Variants in GRIN2C observed in about 807,000 individuals in gnomAD.
GRIN2C encodes glutamate ionotropic receptor NMDA type subunit 2C.
Under a neutral mutation model 77.7 loss-of-function variants are expected in GRIN2C, and 64 were observed. The ratio of observed to expected loss-of-function variants is 0.82; its 90% CI spans 0.67 to 1.01. The LOEUF is 1.01. GRIN2C is among the 50% of genes least tolerant of loss of function. The probability of loss-of-function intolerance (pLI) is 0.00; values close to 1 mark genes in which losing one functional copy is unlikely to be tolerated. For missense variants in GRIN2C, 1,549 were observed against 1,486.0 expected (o/e 1.04, Z -0.70); for synonymous variants, 792 against 643.4 (o/e 1.23, Z -3.49).
In GRIN2C at chr17:74,855,097, A is replaced by G. The variant is rs1206788537; in HGVS notation, c.-5T>C. On this transcript the variant is annotated 5_prime_UTR_variant, in exon 2 of 13. Transcript: ENST00000293190. Reference sequence around the variant, plus strand: ...CGGCCCCAGGGCCCCACCCATGTCCACCGGAGGGTCCTGCGGAGAGACCAG... The same window carrying G: ...CGGCCCCAGGGCCCCACCCATGTCCGCCGGAGGGTCCTGCGGAGAGACCAG... The G allele has an allele frequency of 1.9e-6, 3 of 1,577,612 alleles. No individual in the cohort carries two copies. The highest frequency in any genetic ancestry group is 2.3e-5 in the South Asian group (2 of 88,450).
rs781224859 is a variant in GRIN2C, at chr17:74,842,508, A to G, written c.3629T>C (p.Val1210Ala). The G allele has an allele frequency of 1.3e-6, 1 of 779,012 alleles. No individual in the cohort carries two copies. Among genetic ancestry groups the G allele is most frequent in the African/African-American group, 1.7e-5 (1 of 59,046 alleles). The allele number at this position is 779,012 out of a possible 1,614,324, so 48.3% of individuals were successfully genotyped here. A position where few individuals can be genotyped will look rare whatever the true frequency, so the allele number is the denominator to read the frequency against. Residue 1210 changes from valine to alanine, a missense_variant, in exon 13 of 13, where the codon GTA (valine) becomes GCA (alanine). By Grantham distance (64) the Val-to-Ala change is moderately conservative (BLOSUM62 0). Around this residue, in one of 3 missense-constraint regions of GRIN2C, gnomAD observed 450 missense variants for 267.9 expected, o/e 1.68. Transcript: ENST00000293190. ...CGGGAAGCCTTGCGTCCCACGGGCT[A>G]CCCTGCTGATCTCGTCCAGTCCCCC... is the stretch of plus-strand genomic sequence containing the variant. Reference protein sequence around the residue: ...DSGGLDEISRVARGTQGFPGP... With the variant: ...DSGGLDEISRAARGTQGFPGP...
rs1460754998 is a variant in GRIN2C, at chr17:74,852,101, A to G, written c.910T>C (p.Trp304Arg). 2 of 1,467,006 alleles carry G rather than the reference A, an allele frequency of 1.4e-6. No homozygotes were observed. The highest frequency in any genetic ancestry group is 2.9e-5 in the African/African-American group (2 of 68,892). 90.9% of individuals were successfully genotyped at this position (1,467,006 alleles called of 1,614,324 possible). A position where few individuals can be genotyped will look rare whatever the true frequency, so the allele number is the denominator to read the frequency against. ...GCTGGCAGGGTTCCATGCTGGCGCC[A>G]GTAGCTGTGGGCGCCCAGGGCCAGA... ...AILALGAHSY[W>R]RQHGTLPAPA... Residue 304 changes from tryptophan to arginine, a missense_variant, in exon 3 of 13, where the codon TGG (tryptophan) becomes CGG (arginine). Coordinates refer to ENST00000293190, the MANE Select transcript of GRIN2C (RefSeq NM_000835.6).
chr17:74,845,443 CTTTA>C (rs1311644328), intron 11 of GRIN2C, among the ~76,000 whole-genome samples: 1 of 151,490 alleles, frequency 6.6e-6, no homozygotes, highest in African/African-American at 2.4e-5. Flanking sequence ...TTTTTAAAAA[CTTTA>C]TTTATAGAGA....
chr17:74,857,013 C>T (rs2037838310), intron 1 of GRIN2C, among the ~76,000 whole-genome samples: 1 of 152,174 alleles, frequency 6.6e-6, no homozygotes, highest in Non-Finnish European at 1.5e-5. Flanking sequence ...GAGCCCCTTC[C>T]CTGCAGCAGG....
At position 74,846,030 on chromosome 17, in the gene GRIN2C, G is replaced by A. The variant is rs1423725915; in HGVS notation, c.2350+36C>T. 3 of 1,596,098 alleles carry A rather than the reference G, an allele frequency of 1.9e-6. No individual in the cohort carries two copies. In the South Asian group the frequency reaches 3.3e-5, roughly 18 times the overall value. ...AATGCTGACAACCTTGGGCTCCACAGCCCACCCTGGGCATCCCAGCAATGG... is the reference window on the plus strand; with the variant it reads ...AATGCTGACAACCTTGGGCTCCACAACCCACCCTGGGCATCCCAGCAATGG... On this transcript the variant is annotated intron_variant, in intron 11 of 12. Coordinates refer to ENST00000293190, the MANE Select transcript of GRIN2C (RefSeq NM_000835.6). This position sits in a 1 kb window ranked among gnomAD's most constrained non-coding sequence, Gnocchi z 4.4.
In GRIN2C at chr17:74,846,251, T is replaced by C. The variant is rs762581560; in HGVS notation, c.2165A>G (p.Lys722Arg). ...AGCATCATAGATGAAGGCATCCAGC[T>C]TCCTGGGGACAGGCTGAGCCTCAGA... The part of the protein sequence containing the change: ...EDALTSLKMG[K>R]LDAFIYDAAV... Residue 722 changes from lysine to arginine, a missense_variant and splice_region_variant, in exon 11 of 13, where the codon AAG becomes AGG. Physicochemically the swap from Lys to Arg is conservative, Grantham distance 26 (BLOSUM62 2). Around this residue, in one of 3 missense-constraint regions of GRIN2C, gnomAD observed 717 missense variants for 858.1 expected, o/e 0.84. Coordinates refer to ENST00000293190, the MANE Select transcript of GRIN2C (RefSeq NM_000835.6). This position sits in a 1 kb window ranked among gnomAD's most constrained non-coding sequence, Gnocchi z 4.4. The C allele has an allele frequency of 4.3e-6, 7 of 1,613,926 alleles. No individual in the cohort carries two copies. Among genetic ancestry groups the C allele is most frequent in the Non-Finnish European group, 5.1e-6 (6 of 1,179,838 alleles).
rs1015446866 is a variant in GRIN2C at position 74,842,922 on chromosome 17, G to A, written c.3215C>T (p.Ala1072Val). The change falls in exon 13 of 13, where the codon GCC becomes GTC. Residue 1072 changes from alanine to valine, a missense_variant. Ala to Val is a moderately conservative substitution (Grantham distance 64, BLOSUM62 0). Around this residue, in one of 3 missense-constraint regions of GRIN2C, gnomAD observed 450 missense variants for 267.9 expected, o/e 1.68. Transcript: ENST00000293190. ...RREALLHAAW[A>V]RGSRPRHASL... ...AGCGTGACGCGGGCGCGAGCCCCGG[G>A]CCCAGGCCGCGTGCAGCAGGGCCTC... 15 of 569,078 alleles carry A rather than the reference G, an allele frequency of 2.6e-5. No individual in the cohort carries two copies. The highest frequency in any genetic ancestry group is 4.0e-5 in the Non-Finnish European group (13 of 323,808). The allele number at this position is 569,078 out of a possible 1,614,324, so 35.3% of individuals were successfully genotyped here.
rs746853533 is a variant in GRIN2C at position 74,850,278 on chromosome 17, G to T, written c.1419C>A (p.Tyr473Ter). The T allele has an allele frequency of 6.2e-7, 1 of 1,613,862 alleles. No individual in the cohort carries two copies. The highest frequency in any genetic ancestry group is 1.1e-5 in the South Asian group (1 of 91,074). The change falls in exon 6 of 13, where the codon TAC becomes TAA. Residue 473 changes from tyrosine (Y) to a stop codon, truncating the protein, a stop_gained. Transcript: ENST00000293190. LOFTEE classifies it high-confidence loss of function. The surrounding 1 kb of genome is among the most constrained non-coding windows in gnomAD (Gnocchi z 5.3). Reference protein sequence around the residue: ...KKLARVVKFSYDLYLVTNGKH... With the variant: ...KKLARVVKFS ...TGCCGTTGGTCACCAGGTACAGGTC[G>T]TAGGAGAATTTGACCACTCTGGCCA...
At chr17:74,852,872 T>C in intron 2 of GRIN2C, 3 of 388,686 alleles carry the variant, frequency 7.7e-6, no homozygotes, top group Non-Finnish European at 9.1e-6. Context: ...TTGTCAGAAA[T>C]GCAGATTCTC....
intron 3 of GRIN2C, 116 bp downstream of exon 3, chr17:74,851,897 T>G (rs915311919): frequency 2.0e-5 from 16 of 786,852 alleles, no homozygotes; most frequent in Non-Finnish European, 2.8e-5. Flanking sequence ...TGGGGTAATG[T>G]GGCCCCAGGC....
At position 74,854,963 on chromosome 17, in the gene GRIN2C, C is replaced by G. The variant is rs762932688; in HGVS notation, c.130G>C (p.Ala44Pro). 1.2e-6 allele frequency: 2 copies of G among 1,611,742 alleles called. No homozygotes were observed. The highest frequency in any genetic ancestry group is 1.7e-6 in the Non-Finnish European group (2 of 1,179,964). The change falls in exon 2 of 13, where the codon GCC becomes CCC. Residue 44 changes from alanine to proline, a missense_variant. Transcript: ENST00000293190. ...GGGGTGAGGCGGGCACGGAACTGGGCCTGGGGCGGCCCTGAGCTGCTAAAC... is the reference window on the plus strand; with the variant it reads ...GGGGTGAGGCGGGCACGGAACTGGGGCTGGGGCGGCCCTGAGCTGCTAAAC... ...VVFSSSGPPQ[A>P]QFRARLTPQS...
chr17:74,847,541 G>C lies in GRIN2C; in HGVS notation c.1772-4C>G. On this transcript the variant is annotated splice_region_variant and splice_polypyrimidine_tract_variant and intron_variant, in intron 8 of 12. Coordinates refer to ENST00000293190, the MANE Select transcript of GRIN2C (RefSeq NM_000835.6). The surrounding 1 kb of genome is among the most constrained non-coding windows in gnomAD (Gnocchi z 5.2). ...GTGAAAGCTGGGCCCCCGGACTCTG[G>C]GGGCAAGAGGCGGGGGGATGCTGGA... The C allele has an allele frequency of 6.2e-7, 1 of 1,603,142 alleles. No individual in the cohort carries two copies. The highest frequency in any genetic ancestry group is 1.1e-5 in the South Asian group (1 of 90,826).
At position 74,843,323 on chromosome 17, in the gene GRIN2C, C is replaced by T; in HGVS notation, c.2814G>A (p.Pro938=). ...RAPPPSPCPT[P]RSGPSPCLPT... is the part of the protein sequence containing the mutation. ...GCAGGCATGGGCTGGGGCCAGACCG[C>T]GGGGTCGGGCAGGGGGACGGTGGGG... is the stretch of plus-strand genomic sequence containing the variant. The change falls in exon 13 of 13, where the codon CCG becomes CCA. Residue 938 remains proline, a synonymous_variant. Transcript: ENST00000293190. 1 of 1,461,728 alleles carries T rather than the reference C, an allele frequency of 6.8e-7. No individual in the cohort carries two copies. Among genetic ancestry groups the T allele is most frequent in the Non-Finnish European group, 9.2e-7 (1 of 1,089,872 alleles). 90.5% of individuals were successfully genotyped at this position (1,461,728 alleles called of 1,614,324 possible). A position where few individuals can be genotyped will look rare whatever the true frequency, so the allele number is the denominator to read the frequency against.
At position 74,842,668 on chromosome 17, in the gene GRIN2C, G is replaced by GGTGGGC. The variant is rs780423227; in HGVS notation, c.3463_3468dup (p.Ala1155_His1156dup). On this transcript the variant is annotated inframe_insertion, in exon 13 of 13. Transcript: ENST00000293190. The stretch of plus-strand genomic sequence containing the variant: ...CAGACAGCCCCCCAGCAAAATGGCA[G>GGTGGGC]GTGGGCGTGGGCGTGCAGGCAGACG... 2 of 738,384 alleles carry GGTGGGC rather than the reference G, an allele frequency of 2.7e-6. No homozygotes were observed. Among genetic ancestry groups the GGTGGGC allele is most frequent in the East Asian group, 2.6e-5 (1 of 38,804 alleles). 45.7% of individuals were successfully genotyped at this position (738,384 alleles called of 1,614,324 possible).
chr17:74,842,979 G>T lies in GRIN2C; in HGVS notation c.3158C>A (p.Pro1053Gln). The T allele has an allele frequency of 2.1e-6, 1 of 467,800 alleles. No homozygotes were observed. The highest frequency in any genetic ancestry group is 3.6e-6 in the Non-Finnish European group (1 of 274,852). 29.0% of individuals were successfully genotyped at this position (467,800 alleles called of 1,614,324 possible). A position where few individuals can be genotyped will look rare whatever the true frequency, so the allele number is the denominator to read the frequency against. Residue 1053 changes from proline to glutamine, a missense_variant, in exon 13 of 13, where the codon CCG becomes CAG. Coordinates refer to ENST00000293190, the MANE Select transcript of GRIN2C (RefSeq NM_000835.6). ...LPLFPELEDL[P>Q]LLGPEQLARR... ...GGCCAGCTGCTCCGGACCGAGCAGC[G>T]GCAGGTCCTCCAGCTCCGGGAAGAG... is the stretch of plus-strand genomic sequence containing the variant.
Position 74,847,002 on chromosome 17 carries a change from A to T in GRIN2C, c.2002-82T>A. On this transcript the variant is annotated intron_variant, in intron 9 of 12. Transcript: ENST00000293190. This position sits in a 1 kb window ranked among gnomAD's most constrained non-coding sequence, Gnocchi z 5.2. ...AAGCCCCAAACCCACCCCAGAGCCC[A>T]GCCCCAGTGTGGACTTGCATAGTCA... 1 of 1,449,848 alleles carries T rather than the reference A, an allele frequency of 6.9e-7. No individual in the cohort carries two copies. The highest frequency in any genetic ancestry group is 9.4e-7 in the Non-Finnish European group (1 of 1,063,898). The allele number at this position is 1,449,848 out of a possible 1,614,324, so 89.8% of individuals were successfully genotyped here.
chr17:74,859,553 C>T lies in GRIN2C; in HGVS notation c.-16+191G>A, dbSNP rs1211807997. Among the ~76,000 whole-genome samples, 1 of 152,028 alleles carries T rather than the reference C, an allele frequency of 6.6e-6. No individual in the cohort carries two copies. Among genetic ancestry groups the T allele is most frequent in the Non-Finnish European group, 1.5e-5 (1 of 67,994 alleles). ...CCTCCTTTGCCGTCGGGTTTCCCTCCCTCCCTTTTGCCCAGCCAAAACCCG... is the reference window on the plus strand; with the variant it reads ...CCTCCTTTGCCGTCGGGTTTCCCTCTCTCCCTTTTGCCCAGCCAAAACCCG... On this transcript the variant is annotated intron_variant, in intron 1 of 12. Coordinates refer to ENST00000293190, the MANE Select transcript of GRIN2C (RefSeq NM_000835.6). This position sits in a 1 kb window ranked among gnomAD's most constrained non-coding sequence, Gnocchi z 5.9.
intron 1 of GRIN2C, 139 bp from the exon 2 acceptor site, chr17:74,855,246 GGAGA>G (rs2037789321): frequency 3.2e-6 from 2 of 631,860 alleles, no homozygotes; most frequent in Non-Finnish European, 5.3e-6. Flanking sequence ...GAAGAGAGGC[GGAGA>G]GAGAGGGAGA....
Position 74,846,322 on chromosome 17 carries a change from G to T in GRIN2C, c.2163-69C>A. 7.2e-7 allele frequency: 1 copy of T among 1,395,130 alleles called. No individual in the cohort carries two copies. Among genetic ancestry groups the T allele is most frequent in the Non-Finnish European group, 1.0e-6 (1 of 991,364 alleles). 86.4% of individuals were successfully genotyped at this position (1,395,130 alleles called of 1,614,324 possible). ...GGAGGGGACACCGAAACTGGGGCGT[G>T]ACAGGGGTCTAAACCACATGAGCCT... On this transcript the variant is annotated intron_variant, in intron 10 of 12. Coordinates refer to ENST00000293190, the MANE Select transcript of GRIN2C (RefSeq NM_000835.6). This position sits in a 1 kb window ranked among gnomAD's most constrained non-coding sequence, Gnocchi z 4.4.
Sources: allele counts gnomAD v4.1 joint callset (sites outside exome capture counted in the v4.1 genomes callset), GRCh38; gene constraint gnomAD v4.1.1; regional missense constraint gnomAD v4.1.1; non-coding constraint Gnocchi (gnomAD v3.1); transcripts MANE v1.5; gene names NCBI Gene and HGNC (gene_info 2026-07-23, HGNC 2026-07-21).